Variants in MAD1L1 observed in about 807,000 individuals in gnomAD.
MAD1L1 encodes mitotic spindle assembly checkpoint protein MAD1.
Under a neutral mutation model 96.9 loss-of-function variants are expected in MAD1L1, and 95 were observed. The ratio of observed to expected loss-of-function variants is 0.98; its 90% CI spans 0.83 to 1.16. The LOEUF (loss-of-function observed/expected upper bound fraction) is 1.16, where lower values mean the gene tolerates loss of function less well. Ranked by LOEUF, MAD1L1 falls within the 50% of genes most tolerant of loss-of-function variation. MAD1L1 has a pLI of 0.00. For synonymous variants in MAD1L1, 473 were observed against 396.6 expected (o/e 1.19, Z -2.29); for missense variants, 1,007 against 954.4 (o/e 1.06, Z -0.73).
At chr7:1,980,857 C>G in intron 14 of MAD1L1, 1 of 463,390 alleles carries the variant, frequency 2.2e-6, no homozygotes, top group Non-Finnish European at 4.2e-6. Context: ...GAGCACGCTC[C>G]AACGCTGCCG....
intron 18 of MAD1L1, among the ~76,000 whole-genome samples, chr7:1,894,376 C>T (rs1169856392): frequency 6.6e-6 from 1 of 152,210 alleles, no homozygotes; most frequent in Non-Finnish European, 1.5e-5. Context: ...GGGACCAGGA[C>T]ACACAGGGCC....
intron 10 of MAD1L1, among the ~76,000 whole-genome samples, chr7:2,186,321 T>C (rs905885246): frequency 4.6e-5 from 7 of 152,174 alleles, no homozygotes; most frequent in African/African-American, 1.7e-4. Flanking sequence ...TGTATGCTAA[T>C]AAGGAAATAG....
At chr7:1,901,236 T>A (rs957007900) in intron 17 of MAD1L1, among the ~76,000 whole-genome samples, 2 of 152,200 alleles carry the variant, frequency 1.3e-5, no homozygotes, top group African/African-American at 4.8e-5. Flanking sequence ...TCAACGTGAA[T>A]GAATAATTCA....
At chr7:1,980,668 G>A in intron 14 of MAD1L1, 127 bp from the exon 15 acceptor site, 2 of 755,908 alleles carry the variant, frequency 2.6e-6, no homozygotes, top group Non-Finnish European at 4.7e-6. Flanking sequence ...CTGCGGGAGA[G>A]ACCTCTCTCC....
At chr7:1,977,943 G>T (rs913469033) in intron 15 of MAD1L1, among the ~76,000 whole-genome samples, 1 of 152,222 alleles carries the variant, frequency 6.6e-6, no homozygotes, top group Admixed American at 6.5e-5. Flanking sequence ...CACCTCCCAC[G>T]TGGCTCCTGG....
At chr7:2,225,389 C>A (rs760412072) in intron 4 of MAD1L1, 21 bp downstream of exon 4, 1 of 1,612,970 alleles carries the variant, frequency 6.2e-7, no homozygotes, top group Non-Finnish European at 8.5e-7. Context: ...CTGGGCCGAC[C>A]CTCGCCCCGC....
chr7:2,121,365 T>A (rs1242308385), intron 11 of MAD1L1, among the ~76,000 whole-genome samples: 1 of 152,136 alleles, frequency 6.6e-6, no homozygotes, highest in Non-Finnish European at 1.5e-5. Flanking sequence ...CAGGCAGGGA[T>A]GAGGGAGGCT....
At chr7:1,841,441 C>T in intron 18 of MAD1L1, among the ~76,000 whole-genome samples, 1 of 152,228 alleles carries the variant, frequency 6.6e-6, no homozygotes, top group Non-Finnish European at 1.5e-5. Flanking sequence ...CATCTAGAAG[C>T]TTCTGTCCTG....
chr7:1,907,096 C>T (rs777205395), intron 17 of MAD1L1, among the ~76,000 whole-genome samples: 339 of 152,202 alleles, frequency 2.2e-3, no homozygotes, highest in Non-Finnish European at 4.2e-3. Context: ...CCAGGGGCTT[C>T]AGCCTGCGAG....
intron 11 of MAD1L1, among the ~76,000 whole-genome samples, chr7:2,095,880 G>C (rs1167435492): frequency 6.6e-6 from 1 of 152,228 alleles, no homozygotes; most frequent in African/African-American, 2.4e-5. Flanking sequence ...AGGGTGGGTG[G>C]GGGTGCCTGA....
intron 16 of MAD1L1, among the ~76,000 whole-genome samples, chr7:1,948,932 A>T (rs1779356139): frequency 6.6e-6 from 1 of 152,170 alleles, no homozygotes; most frequent in Non-Finnish European, 1.5e-5. Context: ...ATAGCTCTGG[A>T]GGGAGACCCA....
intron 18 of MAD1L1, among the ~76,000 whole-genome samples, chr7:1,873,795 C>T (rs1044019039): frequency 5.3e-5 from 8 of 152,156 alleles, no homozygotes; most frequent in South Asian, 2.1e-4. Context: ...AGTGGGGAGA[C>T]GTGTGTTTGG....
Position 2,149,159 on chromosome 7 carries a change from T to C in MAD1L1, c.1066A>G (p.Thr356Ala). The change falls in exon 11 of 19, where the codon ACC (threonine) becomes GCC (alanine). Residue 356 changes from threonine (T) to alanine (A), a missense_variant. Transcript: ENST00000265854. ...CTGGGCGGCCAGGTCTACCTGCTGGTGACGGCGCTGTTCTTGTCCTTCAAG... is the reference window on the plus strand; with the variant it reads ...CTGGGCGGCCAGGTCTACCTGCTGGCGACGGCGCTGTTCTTGTCCTTCAAG... ...LALKDKNSAVTSSARGLEKAR... is the reference protein window; with the variant it reads ...LALKDKNSAVASSARGLEKAR... 3 of 1,614,068 alleles carry C rather than the reference T, an allele frequency of 1.9e-6. No homozygotes were observed. The highest frequency in any genetic ancestry group is 1.7e-6 in the Non-Finnish European group (2 of 1,180,016).
Position 1,948,105 on chromosome 7 carries a change from A to C in MAD1L1, c.1596+9524T>G, listed in dbSNP as rs148900314. The stretch of plus-strand genomic sequence containing the variant: ...GCTGAGTGCTCCACCATGGGGAGTG[A>C]GTGTCCCGGGCCTCATCTGGGGCAC... On this transcript the variant is annotated intron_variant, in intron 16 of 18. Transcript: ENST00000265854. Among the ~76,000 whole-genome samples, 372 of 152,148 alleles carry C rather than the reference A, an allele frequency of 2.4e-3. 2 individuals are homozygous for C. The highest frequency in any genetic ancestry group is 8.5e-3 in the African/African-American group (352 of 41,512).
intron 3 of MAD1L1, among the ~76,000 whole-genome samples, chr7:2,228,954 T>C (rs1043022459): frequency 3.3e-5 from 5 of 151,364 alleles, no homozygotes; most frequent in African/African-American, 1.2e-4. Context: ...AGGATGATCT[T>C]GATCTCCTGA....
At position 1,970,514 on chromosome 7, in the gene MAD1L1, A is replaced by C. The variant is rs531060532; in HGVS notation, c.1505+9939T>G. Among the ~76,000 whole-genome samples, 5 of 151,948 alleles carry C rather than the reference A, an allele frequency of 3.3e-5. No individual in the cohort carries two copies. In the South Asian group the frequency reaches 1.0e-3, roughly 32 times the overall value. The stretch of plus-strand genomic sequence containing the variant: ...ACGCCCAGCTAAGTTTTCCATTTTT[A>C]GTAGAGACGGGGTTTCGCTATGTTG... On this transcript the variant is annotated intron_variant, in intron 15 of 18. Transcript: ENST00000265854.
chr7:1,974,869 G>A (rs1780563637), intron 15 of MAD1L1, among the ~76,000 whole-genome samples: 1 of 152,254 alleles, frequency 6.6e-6, no homozygotes, highest in Non-Finnish European at 1.5e-5. Flanking sequence ...GGGGACCAGG[G>A]GAGGTGGGCA....
At chr7:1,834,125 G>C (rs1478678253) in intron 18 of MAD1L1, among the ~76,000 whole-genome samples, 1 of 152,138 alleles carries the variant, frequency 6.6e-6, no homozygotes, top group Non-Finnish European at 1.5e-5. Flanking sequence ...TAAGTCATTT[G>C]AACTGAATGA....
At chr7:2,213,115 G>C in intron 10 of MAD1L1, 97 bp downstream of exon 10, 1 of 1,313,054 alleles carries the variant, frequency 7.6e-7, no homozygotes. Context: ...AGAGATGCCT[G>C]GCTGGAGACT....
Sources: allele counts gnomAD v4.1 joint callset (sites outside exome capture counted in the v4.1 genomes callset), GRCh38; gene constraint gnomAD v4.1.1; transcripts MANE v1.5; gene names NCBI Gene and HGNC (gene_info 2026-07-23, HGNC 2026-07-21).